The following KCNJ6 variants were observed in gnomAD, a reference collection of about 807,000 sequenced individuals.
The protein encoded by KCNJ6 is potassium inwardly rectifying channel subfamily J member 6.
A neutral mutation model predicts 34.2 loss-of-function variants in KCNJ6; 9 were observed. The ratio of observed to expected loss-of-function variants is 0.26; its 90% CI spans 0.16 to 0.46. The LOEUF (loss-of-function observed/expected upper bound fraction) is 0.46. Ranked by LOEUF, KCNJ6 falls within the 20% of genes least tolerant of loss-of-function variation. KCNJ6 has a pLI of 1.00. For missense variants in KCNJ6, 236 were observed against 531.3 expected (o/e 0.44, Z 5.46); for synonymous variants, 196 against 207.1 (o/e 0.95, Z 0.46).
At chr21:37,665,884 G>C (rs2054511693) in intron 3 of KCNJ6, among the ~76,000 whole-genome samples, 1 of 152,178 alleles carries the variant, frequency 6.6e-6, no homozygotes, top group Admixed American at 6.5e-5. Flanking sequence ...ACTCCAAGCA[G>C]GGAGTTGTCA....
chr21:37,732,581 C>T (rs1350019424), intron 2 of KCNJ6, among the ~76,000 whole-genome samples: 3 of 152,140 alleles, frequency 2.0e-5, no homozygotes, highest in Non-Finnish European at 4.4e-5. Flanking sequence ...GTTTCCTCGT[C>T]AATTTTCTGG....
chr21:37,672,346 G>A (rs1302358703), intron 3 of KCNJ6, among the ~76,000 whole-genome samples: 8 of 151,898 alleles, frequency 5.3e-5, no homozygotes, highest in Non-Finnish European at 1.0e-4. Context: ...AAATGTGGTG[G>A]ACACTTCTGC....
chr21:37,766,307 G>A (rs1009461038), intron 2 of KCNJ6, among the ~76,000 whole-genome samples: 3 of 152,146 alleles, frequency 2.0e-5, no homozygotes, highest in Non-Finnish European at 4.4e-5. Flanking sequence ...CCACTCCAGA[G>A]TCCTGTCTCC....
chr21:37,906,156 C>T (rs1170336756), intron 1 of KCNJ6, among the ~76,000 whole-genome samples: 1 of 152,194 alleles, frequency 6.6e-6, no homozygotes, highest in Non-Finnish European at 1.5e-5. Context: ...TTTAAATAAC[C>T]TGCATAACAG....
At chr21:37,876,364 C>CA (rs796191085) in intron 1 of KCNJ6, among the ~76,000 whole-genome samples, 59 of 152,256 alleles carry the variant, frequency 3.9e-4, no homozygotes, top group African/African-American at 1.3e-3. Flanking sequence ...AGCCAGGATT[C>CA]AAATCCAGGT....
chr21:37,747,049 G>A (rs748079019), intron 2 of KCNJ6, among the ~76,000 whole-genome samples: 1 of 152,232 alleles, frequency 6.6e-6, no homozygotes, highest in East Asian at 1.9e-4. Flanking sequence ...TGTGAGCCCT[G>A]CTGGAAGCTT....
At chr21:37,809,016 C>T (rs2055307779) in intron 2 of KCNJ6, among the ~76,000 whole-genome samples, 1 of 152,190 alleles carries the variant, frequency 6.6e-6, no homozygotes, top group South Asian at 2.1e-4. Context: ...CCAGCCATCC[C>T]ATTACTGGGT....
chr21:37,853,374 A>C (rs1388150861), intron 1 of KCNJ6, among the ~76,000 whole-genome samples: 2 of 144,646 alleles, frequency 1.4e-5, no homozygotes, highest in Admixed American at 1.4e-4. Flanking sequence ...AAATAGCATA[A>C]CATTTTTCAA....
chr21:37,670,106 T>C (rs2054534894), intron 3 of KCNJ6, among the ~76,000 whole-genome samples: 1 of 152,182 alleles, frequency 6.6e-6, no homozygotes, highest in South Asian at 2.1e-4. Context: ...CCCAGCACCA[T>C]TTGTTGAAAA....
intron 2 of KCNJ6, among the ~76,000 whole-genome samples, chr21:37,721,685 G>T (rs943678950): frequency 6.6e-6 from 1 of 152,212 alleles, no homozygotes; most frequent in African/African-American, 2.4e-5. Flanking sequence ...CAAACATATG[G>T]AAGGAAATTC....
chr21:37,667,154 T>TAAAAAAAAAAAAAAAAAA (rs55953891), intron 3 of KCNJ6, among the ~76,000 whole-genome samples: 5 of 39,064 alleles, frequency 1.3e-4, no homozygotes, highest in Non-Finnish European at 1.8e-4. Flanking sequence ...CAATAAATAC[T>TAAAAAAAAAAAAAAAAAA]AAAAAAAAAA....
chr21:37,676,195 T>C (rs934727931), intron 3 of KCNJ6, among the ~76,000 whole-genome samples: 1 of 151,920 alleles, frequency 6.6e-6, no homozygotes, highest in Admixed American at 6.6e-5. Context: ...AGGTGGCAAG[T>C]CTGTGGCTTG....
chr21:37,646,790 C>A (rs1237190473), intron 3 of KCNJ6, among the ~76,000 whole-genome samples: 1 of 151,930 alleles, frequency 6.6e-6, no homozygotes, highest in East Asian at 1.9e-4. Context: ...CCTGCCTCAG[C>A]CTCCCCAGTA....
At position 37,619,664 on chromosome 21, in the gene KCNJ6, C is replaced by G. The variant is rs1569430686; in HGVS notation, c.*5495G>C. 2 of 152,306 alleles carry G rather than the reference C, an allele frequency of 1.3e-5. No homozygotes were observed. Among genetic ancestry groups the G allele is most frequent in the East Asian group, 3.9e-4 (2 of 5,170 alleles). The allele number at this position is 152,306 out of a possible 1,614,324, so 9.4% of individuals were successfully genotyped here. A position where few individuals can be genotyped will look rare whatever the true frequency, so the allele number is the denominator to read the frequency against. ...TCTGGGCCACCTATTTAACTCTCCTCCAAGAGAGCCTAAGAGAGAAGCCAT... is the reference window on the plus strand; with the variant it reads ...TCTGGGCCACCTATTTAACTCTCCTGCAAGAGAGCCTAAGAGAGAAGCCAT... On this transcript the variant is annotated 3_prime_UTR_variant, in exon 4 of 4. Transcript: ENST00000609713.
Position 37,667,150 on chromosome 21 carries a change from A to G in KCNJ6, c.947-41666T>C, listed in dbSNP as rs148381483. On this transcript the variant is annotated intron_variant, in intron 3 of 3. Coordinates refer to ENST00000609713, the MANE Select transcript of KCNJ6 (RefSeq NM_002240.5). ...AGAAACACCCAAGAATGAGCAATAAATACTAAAAAAAAAAAAAAAAAAAAA... is the reference window on the plus strand; with the variant it reads ...AGAAACACCCAAGAATGAGCAATAAGTACTAAAAAAAAAAAAAAAAAAAAA... Among the ~76,000 whole-genome samples the G allele has an allele frequency of 6.8e-3, 740 of 108,268 alleles. 14 individuals carry two copies. The highest frequency in any genetic ancestry group is 0.024 in the African/African-American group (712 of 29,364). The allele number at this position is 108,268 out of a possible 152,430, so 71.0% of individuals were successfully genotyped here.
chr21:37,816,624 G>A (rs2055348250), intron 2 of KCNJ6, among the ~76,000 whole-genome samples: 1 of 152,236 alleles, frequency 6.6e-6, no homozygotes, highest in African/African-American at 2.4e-5. Flanking sequence ...GGGTCAGGGC[G>A]ATTGGCGGAG....
chr21:37,658,064 T>C (rs2054472191), intron 3 of KCNJ6, among the ~76,000 whole-genome samples: 1 of 152,264 alleles, frequency 6.6e-6, no homozygotes, highest in African/African-American at 2.4e-5. Flanking sequence ...TGCAAATATT[T>C]ACAGGTTACT....
chr21:37,837,317 A>G (rs1056687219), intron 2 of KCNJ6, among the ~76,000 whole-genome samples: 1 of 152,190 alleles, frequency 6.6e-6, no homozygotes, highest in Non-Finnish European at 1.5e-5. Context: ...GTCGTCAGAA[A>G]AATAAAGGTG....
In KCNJ6 at chr21:37,701,218, AG is replaced by A. The variant is rs953644563; in HGVS notation, c.946+12992del. ...GAGATTGCCTGGGAAAATGTGCAGAAGGGAAGCATTGAGGGTGCAGGACAGA... is the reference window on the plus strand; with the variant it reads ...GAGATTGCCTGGGAAAATGTGCAGAAGGAAGCATTGAGGGTGCAGGACAGA... On this transcript the variant is annotated intron_variant, in intron 3 of 3. Coordinates refer to ENST00000609713, the MANE Select transcript of KCNJ6 (RefSeq NM_002240.5). Among the ~76,000 whole-genome samples, 112 of 152,238 alleles carry A rather than the reference AG, an allele frequency of 7.4e-4. 1 individual carries two copies. Among genetic ancestry groups the A allele is most frequent in the Non-Finnish European group, 6.9e-4 (47 of 68,008 alleles).
Sources: gnomAD v4.1 joint callset for allele counts (sites outside exome capture counted in the v4.1 genomes callset) on GRCh38, gnomAD v4.1.1 for gene constraint, MANE v1.5 for transcripts, NCBI Gene and HGNC (gene_info 2026-07-23, HGNC 2026-07-21) for gene names.